ADAMTS19: variants seen among roughly 807,000 people sequenced by gnomAD.
The protein encoded by ADAMTS19 is ADAM metallopeptidase with thrombospondin type 1 motif 19.
A neutral mutation model predicts 153.3 loss-of-function variants in ADAMTS19; 93 were observed. The observed-to-expected ratio is 0.61, with a 90% CI of 0.51 to 0.72. The LOEUF (loss-of-function observed/expected upper bound fraction) is 0.72. Ranked by LOEUF, ADAMTS19 falls within the 30% of genes least tolerant of loss-of-function variation. The pLI is 0.00. For missense variants in ADAMTS19, 1,482 were observed against 1,552.1 expected (o/e 0.95, Z 0.76); for synonymous variants, 600 against 556.6 (o/e 1.08, Z -1.10).
At chr5:129,507,054 T>C (rs1042830917) in intron 2 of ADAMTS19, among the ~76,000 whole-genome samples, 18 of 152,130 alleles carry the variant, frequency 1.2e-4, no homozygotes, top group Non-Finnish European at 5.9e-5. Context: ...TGTGATAGTG[T>C]GCAATTAAAT....
At chr5:129,609,848 T>C (rs554836868) in intron 8 of ADAMTS19, among the ~76,000 whole-genome samples, 1 of 152,276 alleles carries the variant, frequency 6.6e-6, no homozygotes, top group Middle Eastern at 3.4e-3. Flanking sequence ...TGTCCTAGAG[T>C]AAAGCAGGCA....
intron 15 of ADAMTS19, among the ~76,000 whole-genome samples, chr5:129,664,979 C>T (rs1184445216): frequency 6.6e-6 from 1 of 152,158 alleles, no homozygotes; most frequent in Non-Finnish European, 1.5e-5. Flanking sequence ...CACTTTCTGT[C>T]TCCGGCATCG....
intron 3 of ADAMTS19, among the ~76,000 whole-genome samples, chr5:129,514,108 A>G (rs1043681896): frequency 4.7e-5 from 7 of 150,340 alleles, no homozygotes; most frequent in Admixed American, 1.3e-4. Flanking sequence ...ATGTTGCTGC[A>G]AATGACTGTA....
intron 7 of ADAMTS19, among the ~76,000 whole-genome samples, chr5:129,585,055 C>A (rs1039814801): frequency 6.6e-6 from 1 of 152,146 alleles, no homozygotes; most frequent in Non-Finnish European, 1.5e-5. Context: ...TCCTGCTCTG[C>A]GGGTTGCAAA....
intron 8 of ADAMTS19, among the ~76,000 whole-genome samples, chr5:129,613,595 A>T (rs1396650299): frequency 6.6e-6 from 1 of 152,172 alleles, no homozygotes; most frequent in Non-Finnish European, 1.5e-5. Flanking sequence ...AAAGATCTAA[A>T]ATTGACACCC....
chr5:129,691,538 T>C (rs1242572831), intron 18 of ADAMTS19, among the ~76,000 whole-genome samples: 1 of 152,130 alleles, frequency 6.6e-6, no homozygotes, highest in Non-Finnish European at 1.5e-5. Context: ...ACTCAAACAA[T>C]AACATTTCCA....
At chr5:129,628,132 T>A (rs60614242) in intron 10 of ADAMTS19, among the ~76,000 whole-genome samples, 8,763 of 152,076 alleles carry the variant, frequency 0.058, 397 homozygotes, top group African/African-American at 0.13. Context: ...TAAAAAAGAA[T>A]GAGACCGTGT....
intron 10 of ADAMTS19, among the ~76,000 whole-genome samples, chr5:129,639,969 T>C (rs1752720255): frequency 6.6e-6 from 1 of 152,168 alleles, no homozygotes; most frequent in East Asian, 1.9e-4. Flanking sequence ...TTCAATAGTT[T>C]AAAATATTAC....
chr5:129,602,979 G>T (rs568441978), intron 8 of ADAMTS19, among the ~76,000 whole-genome samples: 2 of 151,784 alleles, frequency 1.3e-5, no homozygotes, highest in East Asian at 1.9e-4. Context: ...CTCAAGTGTG[G>T]TCTGTGATGA....
chr5:129,647,790 G>A lies in ADAMTS19; in HGVS notation c.1898G>A (p.Ser633Asn). 1 of 1,614,074 alleles carries A rather than the reference G, an allele frequency of 6.2e-7. No individual in the cohort carries two copies. Among genetic ancestry groups the A allele is most frequent in the Non-Finnish European group, 8.5e-7 (1 of 1,179,962 alleles). ...GKWCKAGECT[S>N]RTSAPEHLAG... Reference sequence around the variant, plus strand: ...TGGTGTAAGGCTGGAGAATGTACCAGCAGGACCTCAGCACCTGAACATCTG... The same window carrying A: ...TGGTGTAAGGCTGGAGAATGTACCAACAGGACCTCAGCACCTGAACATCTG... Residue 633 changes from serine to asparagine, a missense_variant, in exon 12 of 23, where the codon AGC (serine) becomes AAC (asparagine). By Grantham distance (46) the Ser-to-Asn change is conservative. Coordinates refer to ENST00000274487, the MANE Select transcript of ADAMTS19 (RefSeq NM_133638.6).
intron 15 of ADAMTS19, among the ~76,000 whole-genome samples, chr5:129,662,455 T>C (rs951186758): frequency 6.6e-6 from 1 of 152,214 alleles, no homozygotes; most frequent in Non-Finnish European, 1.5e-5. Context: ...TTTCTACCTC[T>C]CTTCTTGAAA....
intron 14 of ADAMTS19, among the ~76,000 whole-genome samples, chr5:129,655,150 A>G (rs896399696): frequency 1.3e-5 from 2 of 152,188 alleles, no homozygotes; most frequent in Non-Finnish European, 2.9e-5. Context: ...ATCTATGTGG[A>G]GATAAGGAAG....
chr5:129,733,708 A>G (rs1197861963), intron 21 of ADAMTS19, among the ~76,000 whole-genome samples: 1 of 151,996 alleles, frequency 6.6e-6, no homozygotes, highest in Non-Finnish European at 1.5e-5. Flanking sequence ...TTGTTAGTGA[A>G]AATGTAAATA....
At chr5:129,586,489 T>C (rs1161656824) in intron 7 of ADAMTS19, among the ~76,000 whole-genome samples, 2 of 152,230 alleles carry the variant, frequency 1.3e-5, no homozygotes, top group African/African-American at 2.4e-5. Context: ...CCTCCATCTC[T>C]TTCCATGGCT....
At chr5:129,710,556 C>T (rs534874754) in intron 21 of ADAMTS19, among the ~76,000 whole-genome samples, 7 of 152,294 alleles carry the variant, frequency 4.6e-5, no homozygotes, top group South Asian at 4.1e-4. Flanking sequence ...CATCTCACAC[C>T]AGTCAGGATG....
At chr5:129,586,718 G>A (rs60921941) in intron 7 of ADAMTS19, among the ~76,000 whole-genome samples, 6,906 of 152,144 alleles carry the variant, frequency 0.045, 489 homozygotes, top group African/African-American at 0.16. Context: ...AGTTTTATAA[G>A]CAATTGCCAA....
chr5:129,724,352 A>G (rs952289411), intron 21 of ADAMTS19, among the ~76,000 whole-genome samples: 2 of 152,154 alleles, frequency 1.3e-5, no homozygotes, highest in African/African-American at 4.8e-5. Flanking sequence ...TTTTAACGTT[A>G]ATGCTGGTCA....
intron 6 of ADAMTS19, among the ~76,000 whole-genome samples, chr5:129,542,522 C>T (rs1040643831): frequency 1.3e-5 from 2 of 152,084 alleles, no homozygotes; most frequent in African/African-American, 4.8e-5. Flanking sequence ...CCTTGTCTTG[C>T]CCAGACTTAC....
At chr5:129,610,362 C>T (rs147663136) in intron 8 of ADAMTS19, among the ~76,000 whole-genome samples, 13,047 of 151,968 alleles carry the variant, frequency 0.086, 629 homozygotes, top group Middle Eastern at 0.15. Flanking sequence ...CATATGTATA[C>T]ATGTGCCATG....
Sources: gnomAD v4.1 joint callset for allele counts (sites outside exome capture counted in the v4.1 genomes callset) on GRCh38, gnomAD v4.1.1 for gene constraint, MANE v1.5 for transcripts, NCBI Gene and HGNC (gene_info 2026-07-23, HGNC 2026-07-21) for gene names.